The following LRCH1 variants were observed in gnomAD, a reference collection of about 807,000 sequenced individuals.
LRCH1 encodes the protein leucine-rich repeat and calponin homology domain-containing protein 1.
Under a neutral mutation model 94.9 loss-of-function variants are expected in LRCH1, and 23 were observed. That is an observed-to-expected ratio of 0.24 (90% CI 0.17 to 0.34). The LOEUF (loss-of-function observed/expected upper bound fraction) is 0.34, where lower values mean the gene tolerates loss of function less well. LRCH1 is among the 10% of genes least tolerant of loss of function. LRCH1 has a pLI of 1.00. For synonymous variants in LRCH1, 364 were observed against 354.9 expected, an observed-to-expected ratio of 1.03 and a Z score of -0.29; for missense variants, 790 against 945.9, an observed-to-expected ratio of 0.84 and a Z score of 2.16.
chr13:46,587,779 A>T (rs1037905095), intron 1 of LRCH1, among the ~76,000 whole-genome samples: 1 of 152,212 alleles, frequency 6.6e-6, no homozygotes, highest in Non-Finnish European at 1.5e-5. Flanking sequence ...ATCTGTGGTG[A>T]TATAGACTTG....
At chr13:46,616,419 C>G (rs554140912) in intron 1 of LRCH1, among the ~76,000 whole-genome samples, 11 of 152,152 alleles carry the variant, frequency 7.2e-5, no homozygotes, top group Non-Finnish European at 8.8e-5. Context: ...GACAGCACCC[C>G]CAACCCAGTC....
chr13:46,684,343 A>G (rs1392864165), intron 4 of LRCH1, among the ~76,000 whole-genome samples: 1 of 151,848 alleles, frequency 6.6e-6, no homozygotes, highest in Non-Finnish European at 1.5e-5. Flanking sequence ...TTCCTGAACT[A>G]TGATGGCAAT....
At chr13:46,675,235 A>G (rs1022237108) in intron 3 of LRCH1, among the ~76,000 whole-genome samples, 1 of 152,248 alleles carries the variant, frequency 6.6e-6, no homozygotes, top group Non-Finnish European at 1.5e-5. Flanking sequence ...AGGCAGCTGT[A>G]AAAACAAACA....
intron 4 of LRCH1, among the ~76,000 whole-genome samples, chr13:46,685,615 GA>G (rs146525572): frequency 1.2e-4 from 18 of 147,708 alleles, no homozygotes; most frequent in East Asian, 2.0e-4. Flanking sequence ...TTCTTTTGCT[GA>G]AAAAAAAAAG....
intron 1 of LRCH1, among the ~76,000 whole-genome samples, chr13:46,629,359 A>G (rs2050991263): frequency 6.6e-6 from 1 of 152,230 alleles, no homozygotes; most frequent in African/African-American, 2.4e-5. Context: ...GTTCCATAGT[A>G]GTCTGATGGA....
At chr13:46,692,419 C>G in intron 7 of LRCH1, 117 bp from the exon 8 acceptor site, 1 of 743,504 alleles carries the variant, frequency 1.3e-6, no homozygotes, top group Non-Finnish European at 2.2e-6. Context: ...TATCTGGCAA[C>G]TTATATTCAA....
chr13:46,741,045 A>G (rs950021507), intron 19 of LRCH1, among the ~76,000 whole-genome samples: 1 of 152,206 alleles, frequency 6.6e-6, no homozygotes, highest in Non-Finnish European at 1.5e-5. Flanking sequence ...TGTTGTTGCA[A>G]AAATATGAAA....
intron 1 of LRCH1, among the ~76,000 whole-genome samples, chr13:46,590,231 C>T (rs746277368): frequency 4.3e-4 from 66 of 152,214 alleles, no homozygotes; most frequent in Admixed American, 7.8e-4. Context: ...GAGTCTCTTC[C>T]TTATTTTAAA....
chr13:46,566,186 T>G (rs1019593480), intron 1 of LRCH1, among the ~76,000 whole-genome samples: 2 of 152,208 alleles, frequency 1.3e-5, no homozygotes, highest in Non-Finnish European at 2.9e-5. Context: ...CAAAGAACAA[T>G]TTATGAATAA....
chr13:46,715,777 T>G (rs922497885), intron 16 of LRCH1, 113 bp downstream of exon 16: 1 of 683,250 alleles, frequency 1.5e-6, no homozygotes, highest in African/African-American at 1.8e-5. Flanking sequence ...ATGCTTGGTA[T>G]GAGAAATAAT....
intron 9 of LRCH1, among the ~76,000 whole-genome samples, chr13:46,696,222 A>C (rs565265051): frequency 6.9e-6 from 1 of 145,554 alleles, no homozygotes; most frequent in African/African-American, 2.8e-5. Flanking sequence ...ACACACACAC[A>C]CACACACACA....
Position 46,699,222 on chromosome 13 carries a change from T to G in LRCH1, c.1246-114T>G, listed in dbSNP as rs903111236. 1.5e-5 allele frequency: 12 copies of G among 781,438 alleles called. No homozygotes were observed. In the African/African-American group the frequency reaches 2.1e-4, roughly 13 times the overall value. The allele number at this position is 781,438 out of a possible 1,614,324, so 48.4% of individuals were successfully genotyped here. On this transcript the variant is annotated intron_variant, in intron 9 of 19. Transcript: ENST00000389797. ...TCCATAGATGGCTGTTTGGCTTGTT[T>G]CCAGCTTTTGGCTATTGTGAATAAC...
At chr13:46,700,082 A>C (rs1312921822) in intron 10 of LRCH1, among the ~76,000 whole-genome samples, 1 of 152,232 alleles carries the variant, frequency 6.6e-6, no homozygotes, top group Non-Finnish European at 1.5e-5. Flanking sequence ...TTTATTTAGC[A>C]AGATTTACAG....
chr13:46,682,564 C>T (rs1052479821), intron 4 of LRCH1, among the ~76,000 whole-genome samples: 7 of 152,182 alleles, frequency 4.6e-5, no homozygotes, highest in African/African-American at 9.7e-5. Flanking sequence ...ATACTTTGTT[C>T]TACAGATCCT....
At chr13:46,720,671 C>G (rs761768175) in intron 16 of LRCH1, among the ~76,000 whole-genome samples, 2 of 152,036 alleles carry the variant, frequency 1.3e-5, no homozygotes, top group African/African-American at 4.8e-5. Flanking sequence ...TTTCCTGAAG[C>G]CTGGACCCAG....
intron 9 of LRCH1, among the ~76,000 whole-genome samples, chr13:46,695,762 G>T (rs1401453598): frequency 2.0e-5 from 3 of 152,130 alleles, no homozygotes; most frequent in African/African-American, 7.2e-5. Context: ...GGATCCCTAA[G>T]TACTCATCTT....
chr13:46,688,067 T>A, intron 6 of LRCH1, 88 bp downstream of exon 6: 2 of 1,328,904 alleles, frequency 1.5e-6, no homozygotes, highest in Non-Finnish European at 2.0e-6. Context: ...CTGTTTGTTT[T>A]AAGTCACCAT....
intron 1 of LRCH1, among the ~76,000 whole-genome samples, chr13:46,641,468 T>C (rs1399949881): frequency 6.6e-6 from 1 of 152,240 alleles, no homozygotes; most frequent in African/African-American, 2.4e-5. Flanking sequence ...ATTCACCTTT[T>C]ACCCAGTTAT....
intron 2 of LRCH1, among the ~76,000 whole-genome samples, chr13:46,659,680 G>A (rs1022154765): frequency 6.6e-6 from 1 of 152,166 alleles, no homozygotes; most frequent in Admixed American, 6.5e-5. Context: ...GTTTGTGTGT[G>A]GGTGGCTGTG....
Sources: gnomAD v4.1 joint callset for allele counts (sites outside exome capture counted in the v4.1 genomes callset) on GRCh38, gnomAD v4.1.1 for gene constraint, MANE v1.5 for transcripts, NCBI Gene and HGNC (gene_info 2026-07-23, HGNC 2026-07-21) for gene names.